The following ADAMTSL1 variants were observed in gnomAD, a reference collection of about 807,000 sequenced individuals.
ADAMTSL1 encodes the protein ADAMTS-like protein 1.
A neutral mutation model predicts 201.8 loss-of-function variants in ADAMTSL1; 126 were observed. That is an observed-to-expected ratio of 0.62 (90% CI 0.54 to 0.72). ADAMTSL1 has a LOEUF of 0.72. Among genes scored for constraint, ADAMTSL1 ranks in the 30% least tolerant of loss-of-function variants. ADAMTSL1 has a pLI of 0.00. For synonymous variants in ADAMTSL1, 1,121 were observed against 903.4 expected (o/e 1.24, Z -4.32); for missense variants, 2,679 against 2,277.8 (o/e 1.18, Z -3.59).
chr9:18,306,417 A>T (rs1833910432), intron 2 of ADAMTSL1, among the ~76,000 whole-genome samples: 1 of 152,204 alleles, frequency 6.6e-6, no homozygotes, highest in Non-Finnish European at 1.5e-5. Flanking sequence ...AGCGTATTCT[A>T]ACCCAATGCA....
At chr9:18,056,174 GC>G (rs1822175098) in intron 1 of ADAMTSL1, among the ~76,000 whole-genome samples, 1 of 140,984 alleles carries the variant, frequency 7.1e-6, no homozygotes, top group Non-Finnish European at 1.5e-5. Context: ...TTTTTCCTCT[GC>G]CCTTCTCCTC....
At chr9:18,283,931 G>GAAAAA (rs1832894044) in intron 2 of ADAMTSL1, among the ~76,000 whole-genome samples, 3 of 64,868 alleles carry the variant, frequency 4.6e-5, no homozygotes, top group African/African-American at 2.0e-4. Context: ...AAAAAAAAAA[G>GAAAAA]AAGAAGAAGA....
intron 14 of ADAMTSL1, among the ~76,000 whole-genome samples, chr9:18,712,571 C>A (rs2133367675): frequency 6.6e-6 from 1 of 152,034 alleles, no homozygotes; most frequent in African/African-American, 2.4e-5. Context: ...AAGAAATGAG[C>A]AAAGCCTCCA....
At chr9:18,840,155 T>G (rs1170835450) in intron 23 of ADAMTSL1, among the ~76,000 whole-genome samples, 2 of 150,256 alleles carry the variant, frequency 1.3e-5, no homozygotes, top group African/African-American at 4.9e-5. Context: ...CTTCTAGGGT[T>G]TTTATGGTTT....
At chr9:18,842,896 C>T (rs1316099888) in intron 23 of ADAMTSL1, among the ~76,000 whole-genome samples, 1 of 152,112 alleles carries the variant, frequency 6.6e-6, no homozygotes, top group African/African-American at 2.4e-5. Context: ...GGTAGATCTT[C>T]CTCCATCCTT....
intron 7 of ADAMTSL1, among the ~76,000 whole-genome samples, chr9:18,653,452 C>G (rs1487565728): frequency 6.6e-6 from 1 of 152,106 alleles, no homozygotes; most frequent in African/African-American, 2.4e-5. Context: ...CTGCCCTACT[C>G]AAGGGTTGTG....
chr9:18,140,973 G>A (rs1433234823), intron 1 of ADAMTSL1, among the ~76,000 whole-genome samples: 3 of 152,262 alleles, frequency 2.0e-5, no homozygotes, highest in East Asian at 3.9e-4. Context: ...CAAGTATTTG[G>A]TGAGCTCTGA....
intron 23 of ADAMTSL1, among the ~76,000 whole-genome samples, chr9:18,887,571 T>C (rs906983546): frequency 1.3e-5 from 2 of 152,196 alleles, no homozygotes; most frequent in Admixed American, 6.5e-5. Flanking sequence ...AAAGTTAGTA[T>C]AGGGACATAA....
At chr9:18,438,041 G>A (rs1168140979) in intron 2 of ADAMTSL1, among the ~76,000 whole-genome samples, 3 of 152,124 alleles carry the variant, frequency 2.0e-5, no homozygotes, top group Non-Finnish European at 2.9e-5. Flanking sequence ...GAGTCAGTGA[G>A]GAGCCAGGGA....
intron 2 of ADAMTSL1, among the ~76,000 whole-genome samples, chr9:18,385,952 T>G (rs1203821708): frequency 6.6e-6 from 1 of 152,192 alleles, no homozygotes; most frequent in Admixed American, 6.5e-5. Flanking sequence ...TTGCACCTTC[T>G]CTATTCCAAG....
chr9:18,583,534 G>C (rs7023547), intron 4 of ADAMTSL1, among the ~76,000 whole-genome samples: 3,453 of 150,492 alleles, frequency 0.023, 140 homozygotes, highest in African/African-American at 0.079. Flanking sequence ...CCTCCACACA[G>C]AGTGCCTACT....
chr9:18,272,826 G>T (rs1273911438), intron 2 of ADAMTSL1, among the ~76,000 whole-genome samples: 1 of 152,042 alleles, frequency 6.6e-6, no homozygotes, highest in African/African-American at 2.4e-5. Context: ...CCTTTCCTTA[G>T]TACTAAAGAG....
intron 2 of ADAMTSL1, among the ~76,000 whole-genome samples, chr9:18,285,646 C>G (rs901868873): frequency 6.6e-6 from 1 of 151,720 alleles, no homozygotes; most frequent in Non-Finnish European, 1.5e-5. Context: ...GGTGTTGACA[C>G]TTTGTCATCA....
chr9:18,304,195 T>C (rs1345051905), intron 2 of ADAMTSL1, among the ~76,000 whole-genome samples: 2 of 152,112 alleles, frequency 1.3e-5, no homozygotes, highest in African/African-American at 4.8e-5. Flanking sequence ...CATTCTCACA[T>C]AGAACCCAAT....
At chr9:18,501,836 T>C (rs1822860340) in intron 1 of ADAMTSL1, among the ~76,000 whole-genome samples, 1 of 152,252 alleles carries the variant, frequency 6.6e-6, no homozygotes, top group Non-Finnish European at 1.5e-5. Context: ...TGGGTTTGCA[T>C]GAGATCTCAT....
intron 8 of ADAMTSL1, among the ~76,000 whole-genome samples, chr9:18,661,280 A>G (rs1829074874): frequency 6.6e-6 from 1 of 152,232 alleles, no homozygotes; most frequent in Non-Finnish European, 1.5e-5. Flanking sequence ...AGAGAATGAC[A>G]GAAGATTTTG....
At chr9:18,181,390 G>C (rs1445127379) in intron 2 of ADAMTSL1, among the ~76,000 whole-genome samples, 2 of 152,182 alleles carry the variant, frequency 1.3e-5, no homozygotes, top group African/African-American at 4.8e-5. Context: ...CTACTCATCT[G>C]ACCAAGGGGT....
intron 2 of ADAMTSL1, among the ~76,000 whole-genome samples, chr9:18,332,660 G>C (rs13291265): frequency 6.6e-6 from 1 of 151,966 alleles, no homozygotes; most frequent in Non-Finnish European, 1.5e-5. Flanking sequence ...CAATATGGAC[G>C]TACAGCATCA....
intron 1 of ADAMTSL1, among the ~76,000 whole-genome samples, chr9:17,932,879 G>A (rs961761778): frequency 2.0e-5 from 3 of 152,158 alleles, no homozygotes; most frequent in African/African-American, 7.2e-5. Context: ...ATCATGACCA[G>A]ATATATGATT....
Sources: allele counts gnomAD v4.1 joint callset (sites outside exome capture counted in the v4.1 genomes callset), GRCh38; gene constraint gnomAD v4.1.1; transcripts MANE v1.5; gene names NCBI Gene and HGNC (gene_info 2026-07-23, HGNC 2026-07-21).